Variants in ADCY8 observed in about 807,000 individuals in gnomAD.
ADCY8 encodes the protein adenylate cyclase type 8.
Under a neutral mutation model 119.7 loss-of-function variants are expected in ADCY8, and 51 were observed. The ratio of observed to expected loss-of-function variants is 0.43; its 90% CI spans 0.34 to 0.54. The LOEUF (loss-of-function observed/expected upper bound fraction) is 0.54. ADCY8 is among the 20% of genes least tolerant of loss of function. The pLI, the probability that ADCY8 is intolerant of heterozygous loss-of-function variation, is 0.03. For missense variants in ADCY8, 1,383 were observed against 1,598.8 expected, an observed-to-expected ratio of 0.87 and a Z score of 2.30; for synonymous variants, 665 against 651.0, an observed-to-expected ratio of 1.02 and a Z score of -0.33.
chr8:130,894,604 T>C (rs953112156), intron 7 of ADCY8, among the ~76,000 whole-genome samples: 1 of 152,120 alleles, frequency 6.6e-6, no homozygotes, highest in African/African-American at 2.4e-5. Flanking sequence ...TGGGAATCCT[T>C]GAGATAGAAG....
intron 15 of ADCY8, 87 bp downstream of exon 15, chr8:130,800,339 A>AAAT (rs1815733416): frequency 2.6e-6 from 4 of 1,541,100 alleles, no homozygotes; most frequent in Admixed American, 4.1e-5. Flanking sequence ...TGCAAAAAAA[A>AAAT]AAAATAAGTA....
chr8:130,909,741 A>G lies in ADCY8; in HGVS notation c.1607T>C (p.Ile536Thr). 1 of 1,614,134 alleles carries G rather than the reference A, an allele frequency of 6.2e-7. No homozygotes were observed. The highest frequency in any genetic ancestry group is 8.5e-7 in the Non-Finnish European group (1 of 1,180,026). The change falls in exon 6 of 18, where the codon ATT becomes ACT. Residue 536 changes from isoleucine to threonine, a missense_variant. By Grantham distance (89) the Ile-to-Thr change is moderately conservative (BLOSUM62 -1). Around this residue, in one of 2 missense-constraint regions of ADCY8, gnomAD observed 928 missense variants for 1,163.5 expected, o/e 0.80. Coordinates refer to ENST00000286355, the MANE Select transcript of ADCY8 (RefSeq NM_001115.3). ...TCCTCCAGATTCGAGTTTGTTTGCA[A>G]TATCCACATCCCAAGACCAGACATC... ...QFDVWSWDVD[I>T]ANKLESGGIP...
intron 15 of ADCY8, among the ~76,000 whole-genome samples, chr8:130,798,444 G>A (rs1040868846): frequency 1.3e-5 from 2 of 152,196 alleles, no homozygotes; most frequent in Non-Finnish European, 2.9e-5. Flanking sequence ...CAGGCAGAAA[G>A]TGCAGTGTGT....
At chr8:130,912,439 A>G (rs1021646834) in intron 5 of ADCY8, among the ~76,000 whole-genome samples, 2 of 152,206 alleles carry the variant, frequency 1.3e-5, no homozygotes, top group African/African-American at 4.8e-5. Flanking sequence ...CGAAGGCATT[A>G]TTCCTGCCTG....
rs572456954 is a variant in ADCY8, at chr8:130,941,857, C to T, written c.1353+1494G>A. On this transcript the variant is annotated intron_variant, in intron 4 of 17. Transcript: ENST00000286355. Reference sequence around the variant, plus strand: ...TGTTTTCTCCTCTGCATAAAATATCCTGCTCTGATTTCTTTGCCTTGCTAA... The same window carrying T: ...TGTTTTCTCCTCTGCATAAAATATCTTGCTCTGATTTCTTTGCCTTGCTAA... 5.3e-5 allele frequency among the ~76,000 whole-genome samples: 8 copies of T among 152,320 alleles called. No individual in the cohort carries two copies. In the South Asian group the frequency reaches 1.0e-3, roughly 20 times the overall value.
At chr8:130,874,910 A>C (rs1363782392) in intron 8 of ADCY8, among the ~76,000 whole-genome samples, 1 of 151,948 alleles carries the variant, frequency 6.6e-6, no homozygotes, top group East Asian at 1.9e-4. Flanking sequence ...AACTATTGCT[A>C]TATTCTTTAC....
chr8:131,011,900 C>T (rs1328130515), intron 1 of ADCY8, among the ~76,000 whole-genome samples: 2 of 152,094 alleles, frequency 1.3e-5, no homozygotes, highest in Non-Finnish European at 2.9e-5. Context: ...TGGGTTGTCA[C>T]CCTCCAGGAC....
chr8:130,825,446 T>C (rs1221873399), intron 12 of ADCY8, among the ~76,000 whole-genome samples: 1 of 152,202 alleles, frequency 6.6e-6, no homozygotes, highest in African/African-American at 2.4e-5. Context: ...GCATTTGCCT[T>C]GAAAGGCTGA....
At chr8:131,019,829 C>CTCTCTGTCTG (rs1563770564) in intron 1 of ADCY8, among the ~76,000 whole-genome samples, 10 of 119,216 alleles carry the variant, frequency 8.4e-5, no homozygotes, top group Non-Finnish European at 1.2e-4. Flanking sequence ...CTCTCTCTCT[C>CTCTCTGTCTG]TCTCTCTCTG....
chr8:130,918,646 T>C (rs901862282), intron 5 of ADCY8, among the ~76,000 whole-genome samples: 6 of 152,244 alleles, frequency 3.9e-5, no homozygotes, highest in African/African-American at 1.2e-4. Context: ...CTTAGAACTG[T>C]TTGAGGGATG....
At chr8:130,822,012 G>C (rs1327096897) in intron 12 of ADCY8, among the ~76,000 whole-genome samples, 2 of 152,192 alleles carry the variant, frequency 1.3e-5, no homozygotes, top group African/African-American at 4.8e-5. Flanking sequence ...TAGACCCAGA[G>C]AAGCACATAA....
intron 15 of ADCY8, among the ~76,000 whole-genome samples, chr8:130,798,180 G>A (rs965087613): frequency 2.0e-5 from 3 of 152,170 alleles, no homozygotes; most frequent in Non-Finnish European, 4.4e-5. Context: ...TTCTACCCTA[G>A]AACTAAGTGG....
intron 2 of ADCY8, among the ~76,000 whole-genome samples, chr8:130,972,637 G>C (rs182632751): frequency 7.6e-4 from 115 of 152,210 alleles, no homozygotes; most frequent in African/African-American, 2.6e-3. Context: ...TTCTCTTAGG[G>C]CCAGCTTATA....
chr8:130,847,135 G>C (rs1354487942), intron 11 of ADCY8, among the ~76,000 whole-genome samples: 1 of 151,780 alleles, frequency 6.6e-6, no homozygotes. Context: ...TAGAAGGAAA[G>C]GTGAAAAGGA....
chr8:130,966,430 T>C (rs1446883524), intron 2 of ADCY8, among the ~76,000 whole-genome samples: 7 of 151,782 alleles, frequency 4.6e-5, no homozygotes, highest in African/African-American at 1.5e-4. Flanking sequence ...GTGGGGTGGG[T>C]TAGGTGCAGA....
intron 15 of ADCY8, among the ~76,000 whole-genome samples, chr8:130,798,936 C>T (rs1815677120): frequency 6.6e-6 from 1 of 152,054 alleles, no homozygotes; most frequent in African/African-American, 2.4e-5. Flanking sequence ...TACACACACA[C>T]AGTGGAATAC....
intron 3 of ADCY8, among the ~76,000 whole-genome samples, chr8:130,951,417 G>A (rs930307441): frequency 1.3e-5 from 2 of 152,148 alleles, no homozygotes; most frequent in Non-Finnish European, 2.9e-5. Context: ...TGGGTGGATG[G>A]ATAGATGGAT....
intron 8 of ADCY8, among the ~76,000 whole-genome samples, chr8:130,874,997 G>A (rs572834971): frequency 2.0e-5 from 3 of 152,220 alleles, no homozygotes; most frequent in African/African-American, 7.2e-5. Flanking sequence ...CAGGTCAATG[G>A]CCTCATAATT....
chr8:130,890,397 C>T (rs941857420), intron 7 of ADCY8, among the ~76,000 whole-genome samples: 6 of 152,250 alleles, frequency 3.9e-5, no homozygotes, highest in Non-Finnish European at 5.9e-5. Flanking sequence ...GTCCCTAGGG[C>T]AGTGTTTCTG....
Sources: gnomAD v4.1 joint callset for allele counts (sites outside exome capture counted in the v4.1 genomes callset) on GRCh38, gnomAD v4.1.1 for gene constraint, gnomAD v4.1.1 regional missense constraint, MANE v1.5 for transcripts, NCBI Gene and HGNC (gene_info 2026-07-23, HGNC 2026-07-21) for gene names.